Variants in BTRC observed in about 807,000 individuals in gnomAD.
BTRC encodes the protein beta-transducin repeat containing E3 ubiquitin protein ligase.
Under a neutral mutation model 85.5 loss-of-function variants are expected in BTRC, and 42 were observed. The ratio of observed to expected loss-of-function variants is 0.49; its 90% CI spans 0.38 to 0.64. BTRC has a LOEUF of 0.64. Ranked by LOEUF, BTRC falls within the 30% of genes least tolerant of loss-of-function variation. The pLI is 0.00. For missense variants in BTRC, 594 were observed against 743.5 expected (o/e 0.80, Z 2.34); for synonymous variants, 255 against 263.3 (o/e 0.97, Z 0.30).
intron 1 of BTRC, among the ~76,000 whole-genome samples, chr10:101,384,049 A>T (rs183053015): frequency 1.3e-5 from 2 of 152,228 alleles, no homozygotes; most frequent in East Asian, 1.9e-4. Context: ...TGTAGCATTT[A>T]TATTTGTCGA....
At chr10:101,403,650 G>A (rs1420061990) in intron 1 of BTRC, among the ~76,000 whole-genome samples, 1 of 152,046 alleles carries the variant, frequency 6.6e-6, no homozygotes, top group Non-Finnish European at 1.5e-5. Context: ...GAGTGCAGTA[G>A]CATGATCATG....
intron 1 of BTRC, among the ~76,000 whole-genome samples, chr10:101,416,615 C>G (rs1158786540): frequency 6.6e-6 from 1 of 152,056 alleles, no homozygotes; most frequent in Non-Finnish European, 1.5e-5. Context: ...ACCCTATACT[C>G]CAGTCTTTGG....
intron 1 of BTRC, among the ~76,000 whole-genome samples, chr10:101,376,001 C>T (rs1942781737): frequency 6.6e-6 from 1 of 152,152 alleles, no homozygotes; most frequent in Admixed American, 6.5e-5. Flanking sequence ...TTGGGAAACA[C>T]AGCAGGAAGG....
intron 1 of BTRC, among the ~76,000 whole-genome samples, chr10:101,366,789 T>TATA (rs201185248): frequency 0.048 from 4,615 of 95,500 alleles, 415 homozygotes; most frequent in Non-Finnish European, 0.065. Context: ...TATATATATA[T>TATA]TTTTACATTT....
chr10:101,364,898 G>A (rs1218762495), intron 1 of BTRC: 1 of 150,926 alleles, frequency 6.6e-6, no homozygotes, highest in Non-Finnish European at 1.5e-5. Flanking sequence ...GCATGGAGTG[G>A]ACGGAGCAAG....
intron 3 of BTRC, among the ~76,000 whole-genome samples, chr10:101,465,321 T>C: frequency 6.6e-6 from 1 of 152,224 alleles, no homozygotes; most frequent in East Asian, 1.9e-4. Context: ...AATATTATAG[T>C]TGACATATAT....
At chr10:101,362,345 G>C (rs1324515310) in intron 1 of BTRC, among the ~76,000 whole-genome samples, 2 of 152,024 alleles carry the variant, frequency 1.3e-5, no homozygotes, top group Non-Finnish European at 1.5e-5. Flanking sequence ...CTGCTCCTAG[G>C]CTTGTGACCT....
At chr10:101,389,189 C>T (rs1943173156) in intron 1 of BTRC, among the ~76,000 whole-genome samples, 1 of 121,006 alleles carries the variant, frequency 8.3e-6, no homozygotes, top group African/African-American at 3.2e-5. Context: ...ACCATTTATC[C>T]AGTTACTGAA....
chr10:101,530,464 A>G (rs2062262922), intron 6 of BTRC, among the ~76,000 whole-genome samples: 1 of 152,074 alleles, frequency 6.6e-6, no homozygotes, highest in South Asian at 2.1e-4. Flanking sequence ...GCTGCTGTCT[A>G]CAATGCTGGG....
intron 13 of BTRC, among the ~76,000 whole-genome samples, chr10:101,540,026 A>C (rs1361220669): frequency 6.6e-6 from 1 of 152,202 alleles, no homozygotes; most frequent in Non-Finnish European, 1.5e-5. Flanking sequence ...TAAGTTACAA[A>C]TGCATTATCA....
chr10:101,536,549 G>A lies in BTRC; in HGVS notation c.1473G>A (p.Trp491Ter). 1 of 1,611,258 alleles carries A rather than the reference G, an allele frequency of 6.2e-7. No individual in the cohort carries two copies. The stretch of plus-strand genomic sequence containing the variant: ...ACTTAATTTTCTCTTCCAGATTATG[G>A]GACATAGAATGTGGTGCATGTTTAC... ...SGSSDNTIRL[W>*]DIECGACLRV... The change falls in exon 12 of 15, where the codon TGG becomes TGA. Residue 491 changes from tryptophan to a stop codon, truncating the protein, a stop_gained. Coordinates refer to ENST00000370187, the MANE Select transcript of BTRC (RefSeq NM_033637.4). LOFTEE classifies it high-confidence loss of function.
At chr10:101,451,367 C>T (rs1297655578) in intron 2 of BTRC, among the ~76,000 whole-genome samples, 1 of 151,968 alleles carries the variant, frequency 6.6e-6, no homozygotes, top group East Asian at 1.9e-4. Flanking sequence ...ACAGCATTAC[C>T]AGGCCACCCA....
At chr10:101,537,795 A>G (rs1420048418) in intron 12 of BTRC, among the ~76,000 whole-genome samples, 1 of 152,170 alleles carries the variant, frequency 6.6e-6, no homozygotes, top group African/African-American at 2.4e-5. Context: ...GGTCAAGACA[A>G]TATTTTCTTA....
At chr10:101,417,801 T>C (rs1039357017) in intron 1 of BTRC, among the ~76,000 whole-genome samples, 3 of 152,148 alleles carry the variant, frequency 2.0e-5, no homozygotes, top group African/African-American at 7.2e-5. Flanking sequence ...GTCTCCCAAG[T>C]AGCTGGAACT....
At position 101,535,448 on chromosome 10, in the gene BTRC, G is replaced by A; in HGVS notation, c.1442G>A (p.Ser481Asn). 1 of 1,613,626 alleles carries A rather than the reference G, an allele frequency of 6.2e-7. No homozygotes were observed. Among genetic ancestry groups the A allele is most frequent in the Non-Finnish European group, 8.5e-7 (1 of 1,179,740 alleles). Residue 481 changes from serine to asparagine, a missense_variant, in exon 11 of 15, where the codon AGT (serine) becomes AAT (asparagine). Transcript: ENST00000370187. ...CAGTACAGGGACAGGCTGGTAGTGAGTGGCTCATCTGACAACACTATCAGG... is the reference window on the plus strand; with the variant it reads ...CAGTACAGGGACAGGCTGGTAGTGAATGGCTCATCTGACAACACTATCAGG... ...CLQYRDRLVV[S>N]GSSDNTIRLW...
chr10:101,431,421 C>T (rs906982460), intron 2 of BTRC, among the ~76,000 whole-genome samples: 16 of 151,944 alleles, frequency 1.1e-4, no homozygotes, highest in Admixed American at 9.2e-4. Flanking sequence ...CCAGGATGTG[C>T]GAGAAACTTA....
chr10:101,358,316 GTGGTT>G (rs1382749892), intron 1 of BTRC, among the ~76,000 whole-genome samples: 2 of 151,956 alleles, frequency 1.3e-5, no homozygotes, highest in African/African-American at 4.8e-5. Flanking sequence ...GTTGACAGGG[GTGGTT>G]TTTGAACTCC....
intron 1 of BTRC, among the ~76,000 whole-genome samples, chr10:101,397,646 A>G (rs1236414199): frequency 2.0e-5 from 3 of 152,216 alleles, no homozygotes; most frequent in Non-Finnish European, 4.4e-5. Flanking sequence ...TTTATTGAAA[A>G]TGACTTTTAA....
At chr10:101,457,227 T>C (rs1315202198) in intron 2 of BTRC, among the ~76,000 whole-genome samples, 1 of 152,156 alleles carries the variant, frequency 6.6e-6, no homozygotes, top group Non-Finnish European at 1.5e-5. Flanking sequence ...GTCTATGTGA[T>C]GAGATGAAGT....
Sources: gnomAD v4.1 joint callset for allele counts (sites outside exome capture counted in the v4.1 genomes callset) on GRCh38, gnomAD v4.1.1 for gene constraint, MANE v1.5 for transcripts, NCBI Gene and HGNC (gene_info 2026-07-23, HGNC 2026-07-21) for gene names.